Variants in CMYA5 observed in about 807,000 individuals in gnomAD.
CMYA5 encodes the protein cardiomyopathy associated 5, also known as cardiomyopathy-associated protein 5.
In CMYA5, 246 loss-of-function variants were observed where a neutral mutation model predicts 318.9. The observed-to-expected ratio is 0.77, with a 90% CI of 0.70 to 0.86. The LOEUF (loss-of-function observed/expected upper bound fraction) is 0.86. Ranked by LOEUF, CMYA5 falls within the 40% of genes least tolerant of loss-of-function variation. The pLI, the probability that CMYA5 is intolerant of heterozygous loss-of-function variation, is 0.00. For missense variants in CMYA5, 4,589 were observed against 4,678.2 expected (o/e 0.98, Z 0.56); for synonymous variants, 1,641 against 1,729.5 (o/e 0.95, Z 1.27).
At chr5:79,746,655 T>C (rs1000192286) in intron 4 of CMYA5, among the ~76,000 whole-genome samples, 3 of 150,902 alleles carry the variant, frequency 2.0e-5, no homozygotes, top group African/African-American at 7.3e-5. Context: ...CTCAGATAAA[T>C]ACTGATTACA....
chr5:79,742,053 CTTCTTCT>C (rs1828218855), intron 2 of CMYA5, among the ~76,000 whole-genome samples: 5 of 108,516 alleles, frequency 4.6e-5, no homozygotes, highest in Non-Finnish European at 1.1e-4. Flanking sequence ...TTCTCCTCTT[CTTCTTCT>C]TCTTCTTCTT....
At chr5:79,778,201 C>A (rs1828976951) in intron 9 of CMYA5, 1 of 152,198 alleles carries the variant, frequency 6.6e-6, no homozygotes, top group Non-Finnish European at 1.5e-5. Flanking sequence ...CTTGCCATCA[C>A]AAACAATGCT....
At chr5:79,696,374 A>G (rs1580742557) in intron 1 of CMYA5, among the ~76,000 whole-genome samples, 1 of 152,334 alleles carries the variant, frequency 6.6e-6, no homozygotes, top group East Asian at 1.9e-4. Context: ...ACCAAAGTGG[A>G]TTCAGTTCCA....
Position 79,739,140 on chromosome 5 carries a change from G to C in CMYA5, c.10375G>C (p.Glu3459Gln). 1 of 1,613,760 alleles carries C rather than the reference G, an allele frequency of 6.2e-7. No individual in the cohort carries two copies. The highest frequency in any genetic ancestry group is 1.7e-5 in the Admixed American group (1 of 59,962). Residue 3459 changes from glutamate to glutamine, a missense_variant, in exon 2 of 13, where the codon GAG (glutamate) becomes CAG (glutamine). Physicochemically the swap from Glu to Gln is conservative, Grantham distance 29. Transcript: ENST00000446378. Reference protein sequence around the residue: ...DVLSQGKESFEHISENEFASE... With the variant: ...DVLSQGKESFQHISENEFASE... ...CTTATCTCAAGGAAAGGAATCCTTT[G>C]AGCACATCAGTGAAAATGAATTTGC...
chr5:79,791,373 A>G (rs1180097202), intron 11 of CMYA5, among the ~76,000 whole-genome samples: 2 of 152,114 alleles, frequency 1.3e-5, no homozygotes, highest in South Asian at 2.1e-4. Context: ...GGGTCCAGTA[A>G]TTCTTTTATT....
At chr5:79,773,797 A>T (rs1482975881) in intron 9 of CMYA5, among the ~76,000 whole-genome samples, 4 of 152,244 alleles carry the variant, frequency 2.6e-5, no homozygotes, top group African/African-American at 7.2e-5. Context: ...AGCAAACAAG[A>T]TAGGGAGCAA....
At chr5:79,794,825 A>G (rs761742278) in intron 12 of CMYA5, among the ~76,000 whole-genome samples, 41 of 152,126 alleles carry the variant, frequency 2.7e-4, no homozygotes, top group Non-Finnish European at 8.8e-5. Flanking sequence ...ATTCTCTGAG[A>G]TGGTTCATAA....
chr5:79,769,653 G>T lies in CMYA5; in HGVS notation c.11555+6444G>T, dbSNP rs138543279. 1.5e-3 allele frequency among the ~76,000 whole-genome samples: 236 copies of T among 152,276 alleles called. 2 individuals are homozygous for T. The highest frequency in any genetic ancestry group is 5.5e-3 in the African/African-American group (229 of 41,566). ...AGGCTGCAGAACAGCAAAGATTGCTGCCTGTTCCTTCCTCCGGAAGCTTCA... is the reference window on the plus strand; with the variant it reads ...AGGCTGCAGAACAGCAAAGATTGCTTCCTGTTCCTTCCTCCGGAAGCTTCA... On this transcript the variant is annotated intron_variant, in intron 9 of 12. Coordinates refer to ENST00000446378, the MANE Select transcript of CMYA5 (RefSeq NM_153610.5).
Position 79,730,626 on chromosome 5 carries a change from G to T in CMYA5, c.1861G>T (p.Val621Leu), listed in dbSNP as rs199956848. 4.3e-5 allele frequency: 70 copies of T among 1,613,904 alleles called. 1 individual carries two copies. In the Admixed American group the frequency reaches 4.5e-4, roughly 10 times the overall value. ...AGGTGAGCCAGTTCCCCCATCCAATGTAGAAGCTATAGCTGAACATGCAGT... is the reference window on the plus strand; with the variant it reads ...AGGTGAGCCAGTTCCCCCATCCAATTTAGAAGCTATAGCTGAACATGCAGT... ...QEGEPVPPSN[V>L]EAIAEHAVLS... The change falls in exon 2 of 13, where the codon GTA (valine) becomes TTA (leucine). Residue 621 changes from valine to leucine, a missense_variant. Val to Leu is a conservative substitution (Grantham distance 32). Transcript: ENST00000446378.
Position 79,759,959 on chromosome 5 carries a change from T to C in CMYA5, c.11260+1057T>C, listed in dbSNP as rs763824208. Among the ~76,000 whole-genome samples the C allele has an allele frequency of 6.0e-4, 91 of 152,218 alleles. 1 individual carries two copies. Among genetic ancestry groups the C allele is most frequent in the Admixed American group, 5.2e-4 (8 of 15,290 alleles). On this transcript the variant is annotated intron_variant, in intron 7 of 12. Coordinates refer to ENST00000446378, the MANE Select transcript of CMYA5 (RefSeq NM_153610.5). ...ACCAAGTAAGTGTTACTATCCCTATTTGCAAGTGAGAAAACTAATGTGAGG... is the reference window on the plus strand; with the variant it reads ...ACCAAGTAAGTGTTACTATCCCTATCTGCAAGTGAGAAAACTAATGTGAGG...
rs151170599 is a variant in CMYA5 at position 79,758,217 on chromosome 5, A to C, written c.11111-536A>C. 7.7e-3 allele frequency among the ~76,000 whole-genome samples: 1,132 copies of C among 146,854 alleles called. 17 individuals are homozygous for C. Among genetic ancestry groups the C allele is most frequent in the African/African-American group, 0.027 (1,059 of 39,678 alleles). On this transcript the variant is annotated intron_variant, in intron 6 of 12. Coordinates refer to ENST00000446378, the MANE Select transcript of CMYA5 (RefSeq NM_153610.5). ...TGCACTCCAGCCTGGGTGATAAAGC[A>C]AGACTCCATCTCAACAGATTAAAAA...
intron 3 of CMYA5, among the ~76,000 whole-genome samples, chr5:79,744,264 C>T (rs1019879233): frequency 1.3e-5 from 2 of 152,136 alleles, no homozygotes; most frequent in African/African-American, 2.4e-5. Flanking sequence ...GATAAGAAAC[C>T]AAGTCTTAGA....
rs1226598524 is a variant in CMYA5 at position 79,743,826 on chromosome 5, G to A, written c.10639-1G>A. The A allele has an allele frequency of 6.7e-7, 1 of 1,499,516 alleles. No individual in the cohort carries two copies. Among genetic ancestry groups the A allele is most frequent in the Non-Finnish European group, 9.1e-7 (1 of 1,103,794 alleles). The allele number at this position is 1,499,516 out of a possible 1,614,324, so 92.9% of individuals were successfully genotyped here. A position where few individuals can be genotyped will look rare whatever the true frequency, so the allele number is the denominator to read the frequency against. ...AAGGATATCTTAATTCTTTTCTTCA[G>A]GTTCAATTAGCAGAATTTCTAGAAA... is the stretch of plus-strand genomic sequence containing the variant. On this transcript the variant is annotated splice_acceptor_variant, in intron 2 of 12. Coordinates refer to ENST00000446378, the MANE Select transcript of CMYA5 (RefSeq NM_153610.5). LOFTEE classifies it high-confidence loss of function.
intron 9 of CMYA5, among the ~76,000 whole-genome samples, chr5:79,772,219 A>G (rs928168131): frequency 1.3e-5 from 2 of 152,212 alleles, no homozygotes; most frequent in African/African-American, 4.8e-5. Flanking sequence ...GATCTTGCCA[A>G]TCAATTCATT....
At chr5:79,755,677 T>A (rs1242648391) in intron 6 of CMYA5, among the ~76,000 whole-genome samples, 4 of 152,246 alleles carry the variant, frequency 2.6e-5, no homozygotes, top group African/African-American at 7.2e-5. Flanking sequence ...ACATAAGAAT[T>A]GTAAATCCAG....
intron 1 of CMYA5, among the ~76,000 whole-genome samples, chr5:79,720,016 T>C (rs1346729687): frequency 6.6e-6 from 1 of 152,188 alleles, no homozygotes; most frequent in African/African-American, 2.4e-5. Context: ...GGTTGATGAA[T>C]TGGAAGAAAC....
At chr5:79,742,337 C>T (rs1828233481) in intron 2 of CMYA5, among the ~76,000 whole-genome samples, 1 of 151,942 alleles carries the variant, frequency 6.6e-6, no homozygotes, top group South Asian at 2.1e-4. Flanking sequence ...GAGACACATG[C>T]CATCACACCC....
intron 11 of CMYA5, 81 bp from the exon 12 acceptor site, chr5:79,793,356 T>G: frequency 1.3e-4 from 174 of 1,358,660 alleles, no homozygotes; most frequent in Non-Finnish European, 1.6e-4. Context: ...CTAAACTGTG[T>G]GAGTTTGTGA....
rs777108359 is a variant in CMYA5, at chr5:79,793,479, G to T, written c.11832G>T (p.Gln3944His). 3 of 1,613,850 alleles carry T rather than the reference G, an allele frequency of 1.9e-6. No homozygotes were observed. In the South Asian group the frequency reaches 3.3e-5, roughly 18 times the overall value. The change falls in exon 12 of 13, where the codon CAG (glutamine) becomes CAT (histidine). Residue 3944 changes from glutamine to histidine, a missense_variant. By Grantham distance (24) the Gln-to-His change is conservative. Coordinates refer to ENST00000446378, the MANE Select transcript of CMYA5 (RefSeq NM_153610.5). ...VLGEELPSCG[Q>H]HYWETTVTDC... ...GTGAGGAGCTGCCTTCCTGTGGCCA[G>T]CATTACTGGGAAACCACAGTCACAG...
Sources: allele counts gnomAD v4.1 joint callset (sites outside exome capture counted in the v4.1 genomes callset), GRCh38; gene constraint gnomAD v4.1.1; transcripts MANE v1.5; gene names NCBI Gene and HGNC (gene_info 2026-07-23, HGNC 2026-07-21).